The following CRTAC1 variants were observed in gnomAD, a reference collection of about 807,000 sequenced individuals.
The protein encoded by CRTAC1 is acidic secreted protein in cartilage.
CRTAC1 carries 37 observed loss-of-function variants against 67.8 expected under a neutral mutation model. The observed-to-expected ratio is 0.55, with a 90% CI of 0.42 to 0.72. CRTAC1 has a LOEUF of 0.72. CRTAC1 is among the 30% of genes least tolerant of loss of function. The pLI is 0.00. For synonymous variants in CRTAC1, 348 were observed against 371.0 expected, an observed-to-expected ratio of 0.94 and a Z score of 0.71; for missense variants, 780 against 931.6, an observed-to-expected ratio of 0.84 and a Z score of 2.12.
At chr10:97,877,398 A>G (rs981373910) in intron 14 of CRTAC1, among the ~76,000 whole-genome samples, 1 of 152,134 alleles carries the variant, frequency 6.6e-6, no homozygotes, top group Admixed American at 6.5e-5. Flanking sequence ...CTCAACAAAT[A>G]TTACTTTCAC....
chr10:98,014,588 T>C (rs1842961612), intron 1 of CRTAC1, among the ~76,000 whole-genome samples: 1 of 152,150 alleles, frequency 6.6e-6, no homozygotes, highest in African/African-American at 2.4e-5. Context: ...ATATCCAGAA[T>C]ATATAAAGAA....
At chr10:97,936,410 G>C in intron 2 of CRTAC1, 44 bp from the exon 3 acceptor site, 2 of 1,520,268 alleles carry the variant, frequency 1.3e-6, no homozygotes, top group Non-Finnish European at 1.8e-6. Flanking sequence ...GAGCCGCTGG[G>C]CCCACCCAGT....
chr10:97,932,461 AC>A (rs1274830804), intron 3 of CRTAC1, among the ~76,000 whole-genome samples: 1 of 152,196 alleles, frequency 6.6e-6, no homozygotes, highest in African/African-American at 2.4e-5. Context: ...TGGACAACAA[AC>A]AAAAATCGCC....
Position 97,895,933 on chromosome 10 carries a change from G to A in CRTAC1, c.1269C>T (p.Ser423=). 1 of 1,614,102 alleles carries A rather than the reference G, an allele frequency of 6.2e-7. No individual in the cohort carries two copies. The highest frequency in any genetic ancestry group is 8.5e-7 in the Non-Finnish European group (1 of 1,179,994). ...GCGGCTGAGCCATGGACTCTCCATGGGACAAGATGAGGTCCAGCATCCCGT... is the reference window on the plus strand; with the variant it reads ...GCGGCTGAGCCATGGACTCTCCATGAGACAAGATGAGGTCCAGCATCCCGT... ...DGDGMLDLIL[S]HGESMAQPLS... is the part of the protein sequence containing the mutation. The change falls in exon 10 of 15, where the codon TCC becomes TCT. Residue 423 remains serine, a synonymous_variant. Coordinates refer to ENST00000370597, the MANE Select transcript of CRTAC1 (RefSeq NM_018058.7). This position sits in a 1 kb window ranked among gnomAD's most constrained non-coding sequence, Gnocchi z 4.2.
chr10:97,967,245 G>A (rs1052033872), intron 2 of CRTAC1, among the ~76,000 whole-genome samples: 3 of 151,724 alleles, frequency 2.0e-5, no homozygotes, highest in African/African-American at 7.3e-5. Context: ...TATTTATGTT[G>A]TTGCTCAAAT....
intron 2 of CRTAC1, among the ~76,000 whole-genome samples, chr10:97,999,127 G>A (rs1842639749): frequency 2.0e-5 from 3 of 152,210 alleles, no homozygotes; most frequent in Non-Finnish European, 4.4e-5. Flanking sequence ...GAAGAAGGCA[G>A]GAGCCCTGCC....
At chr10:98,005,844 C>T (rs915711232) in intron 2 of CRTAC1, among the ~76,000 whole-genome samples, 15 of 152,104 alleles carry the variant, frequency 9.9e-5, no homozygotes, top group Middle Eastern at 3.4e-3. Context: ...ATACAATTTG[C>T]CTTTTAAATA....
chr10:97,871,090 A>G (rs1356576038), intron 14 of CRTAC1: 6 of 152,142 alleles, frequency 3.9e-5, no homozygotes, highest in Non-Finnish European at 7.4e-5. Context: ...AGGTTTCCGC[A>G]TGAGCCTTCT....
intron 11 of CRTAC1, among the ~76,000 whole-genome samples, chr10:97,888,386 C>G (rs1266140722): frequency 6.6e-6 from 1 of 151,990 alleles, no homozygotes; most frequent in African/African-American, 2.4e-5. Context: ...ACAGTGTGGG[C>G]CAAGGTACAG....
chr10:97,952,002 C>T (rs755506782), intron 2 of CRTAC1, among the ~76,000 whole-genome samples: 4 of 152,204 alleles, frequency 2.6e-5, no homozygotes, highest in Non-Finnish European at 5.9e-5. Context: ...ATCAGCCTGA[C>T]TCAAAGAGTA....
intron 2 of CRTAC1, among the ~76,000 whole-genome samples, chr10:97,951,653 G>A (rs930943502): frequency 1.1e-4 from 17 of 152,150 alleles, no homozygotes; most frequent in African/African-American, 3.6e-4. Context: ...TTACCTACCT[G>A]ACTGCCAGTT....
At chr10:98,018,219 AAAAAAAAAAAAAAG>A (rs1206695319) in intron 1 of CRTAC1, among the ~76,000 whole-genome samples, 15 of 145,822 alleles carry the variant, frequency 1.0e-4, no homozygotes, top group African/African-American at 3.7e-4. Context: ...AAAAAAAAAA[AAAAAAAAAAAAAAG>A]AGAGAGAGAG....
chr10:97,951,889 G>A (rs1163919376), intron 2 of CRTAC1, among the ~76,000 whole-genome samples: 1 of 152,142 alleles, frequency 6.6e-6, no homozygotes, highest in Non-Finnish European at 1.5e-5. Context: ...CAAAAAGTGT[G>A]AAATTTTGGG....
intron 3 of CRTAC1, among the ~76,000 whole-genome samples, chr10:97,929,510 T>C (rs1424462804): frequency 6.6e-6 from 1 of 152,000 alleles, no homozygotes; most frequent in Non-Finnish European, 1.5e-5. Context: ...GAGAGAAGGG[T>C]GGGCAGGTTT....
intron 14 of CRTAC1, among the ~76,000 whole-genome samples, chr10:97,876,245 G>T (rs11817076): frequency 0.033 from 5,038 of 152,278 alleles, 273 homozygotes; most frequent in African/African-American, 0.11. Context: ...TGTCTGGGCT[G>T]TATGACCCTG....
intron 2 of CRTAC1, among the ~76,000 whole-genome samples, chr10:97,979,607 G>GT: frequency 6.6e-6 from 1 of 152,260 alleles, no homozygotes; most frequent in African/African-American, 2.4e-5. Context: ...TTTTACCAGT[G>GT]TTTTTTTAGA....
chr10:97,911,072 C>T (rs538852710), intron 5 of CRTAC1, among the ~76,000 whole-genome samples: 16 of 152,324 alleles, frequency 1.1e-4, no homozygotes, highest in African/African-American at 3.6e-4. Flanking sequence ...ACCACCTCTG[C>T]CCATTAAAAG....
Position 97,882,443 on chromosome 10 carries a change from C to CTGCTCCACATGGAGCACA in CRTAC1, c.1675+342_1675+343insTGTGCTCCATGTGGAGCA, listed in dbSNP as rs546158531. 9.2e-5 allele frequency among the ~76,000 whole-genome samples: 14 copies of CTGCTCCACATGGAGCACA among 152,356 alleles called. No homozygotes were observed. The East Asian group carries it at 2.7e-3, about 29-fold the overall frequency. On this transcript the variant is annotated intron_variant, in intron 13 of 14. Transcript: ENST00000370597. The stretch of plus-strand genomic sequence containing the variant: ...CCTTGCCTGCCAGCCCCCTTGCTTG[C>CTGCTCCACATGGAGCACA]TGCTCCACATGGACTTGCTGGCCAT...
chr10:98,011,762 T>A (rs1351524892), intron 1 of CRTAC1, among the ~76,000 whole-genome samples: 6 of 152,172 alleles, frequency 3.9e-5, no homozygotes, highest in Non-Finnish European at 7.3e-5. Flanking sequence ...TTCATTTATT[T>A]CATATTTGTG....
Sources: allele counts gnomAD v4.1 joint callset (sites outside exome capture counted in the v4.1 genomes callset), GRCh38; gene constraint gnomAD v4.1.1; non-coding constraint Gnocchi (gnomAD v3.1); transcripts MANE v1.5; gene names NCBI Gene and HGNC (gene_info 2026-07-23, HGNC 2026-07-21).